Variants in KLF8 observed in about 807,000 individuals in gnomAD.
KLF8 encodes the protein Krueppel-like factor 8.
In KLF8, 10 loss-of-function variants were observed where a neutral mutation model predicts 18.2. The observed-to-expected ratio is 0.55, with a 90% confidence interval of 0.34 to 0.93. KLF8 has a LOEUF of 0.93. KLF8 is among the 40% of genes least tolerant of loss of function. The pLI is 0.02. For missense variants in KLF8, 264 were observed against 277.9 expected, an observed-to-expected ratio of 0.95 and a Z score of 0.36; for synonymous variants, 109 against 97.3, an observed-to-expected ratio of 1.12 and a Z score of -0.71.
intron 2 of KLF8, among the ~76,000 whole-genome samples, chrX:56,254,280 C>G (rs768770656): frequency 7.1e-5 from 8 of 112,014 alleles, no homozygotes; most frequent in Non-Finnish European, 1.5e-4. Flanking sequence ...ATTCCACTCA[C>G]TTAAACCTGC....
chrX:56,254,559 C>T (rs1379599395), intron 2 of KLF8, among the ~76,000 whole-genome samples: 3 of 111,645 alleles, frequency 2.7e-5, no homozygotes, highest in Non-Finnish European at 3.8e-5. Flanking sequence ...GTCTGGCATC[C>T]AGGAGGAATG....
the KLF8 span, among the ~76,000 whole-genome samples, chrX:56,009,038 C>T: frequency 9.0e-6 from 1 of 111,120 alleles, no homozygotes; most frequent in Non-Finnish European, 1.9e-5. Flanking sequence ...CTAGGCAGTA[C>T]GGAGAAGCAA....
the KLF8 span, among the ~76,000 whole-genome samples, chrX:56,147,176 C>G: frequency 1.8e-5 from 2 of 112,233 alleles, no homozygotes; most frequent in Non-Finnish European, 3.8e-5. Flanking sequence ...AGAGGAGAAA[C>G]AGACTTTCAT....
At chrX:56,102,812 T>G in the KLF8 span, among the ~76,000 whole-genome samples, 1 of 110,846 alleles carries the variant, frequency 9.0e-6, no homozygotes, top group Admixed American at 9.6e-5. Flanking sequence ...GCAGGCTTGT[T>G]GCATATGTAT....
At chrX:56,026,541 C>A in the KLF8 span, among the ~76,000 whole-genome samples, 3 of 111,905 alleles carry the variant, frequency 2.7e-5, no homozygotes, top group Non-Finnish European at 5.6e-5. Flanking sequence ...CCATTTTAAT[C>A]CTGTCTCTTG....
the KLF8 span, among the ~76,000 whole-genome samples, chrX:56,206,942 C>T: frequency 2.7e-5 from 3 of 112,592 alleles, no homozygotes; most frequent in Non-Finnish European, 5.6e-5. Flanking sequence ...TCCCAAATGT[C>T]AGTTCTTGAT....
chrX:55,941,402 A>C, the KLF8 span, among the ~76,000 whole-genome samples: 1 of 111,950 alleles, frequency 8.9e-6, no homozygotes, highest in Admixed American at 9.5e-5. Context: ...TGTTAGACCT[A>C]AAACCATAAA....
chrX:55,972,937 G>A, the KLF8 span, among the ~76,000 whole-genome samples: 1 of 112,014 alleles, frequency 8.9e-6, no homozygotes, highest in African/African-American at 3.2e-5. Flanking sequence ...AGCAAAGCCA[G>A]AGGCATCACA....
the KLF8 span, among the ~76,000 whole-genome samples, chrX:56,016,412 A>G: frequency 8.0e-5 from 9 of 111,984 alleles, no homozygotes; most frequent in African/African-American, 2.9e-4. Flanking sequence ...TTTAAATGTA[A>G]TAACTCCTGG....
At chrX:56,101,563 A>G in the KLF8 span, among the ~76,000 whole-genome samples, 3,102 of 112,026 alleles carry the variant, frequency 0.028, 122 homozygotes, top group African/African-American at 0.095. Context: ...CAGTGGCTAA[A>G]CTAATTTACA....
At chrX:56,046,096 G>T in the KLF8 span, among the ~76,000 whole-genome samples, 1 of 111,332 alleles carries the variant, frequency 9.0e-6, no homozygotes, top group Non-Finnish European at 1.9e-5. Context: ...TGCATCTTTT[G>T]AGATGATTGT....
chrX:56,167,794 T>A, the KLF8 span, among the ~76,000 whole-genome samples: 1 of 112,592 alleles, frequency 8.9e-6, no homozygotes, highest in African/African-American at 3.2e-5. Context: ...TCAGGCAATC[T>A]TTTTGTAGAA....
At chrX:56,039,966 C>T in the KLF8 span, among the ~76,000 whole-genome samples, 1 of 111,168 alleles carries the variant, frequency 9.0e-6, no homozygotes, top group African/African-American at 3.3e-5. Context: ...TATTCCTAGG[C>T]ATTTTATTAT....
At chrX:56,081,813 C>A in the KLF8 span, among the ~76,000 whole-genome samples, 1 of 111,834 alleles carries the variant, frequency 8.9e-6, no homozygotes, top group African/African-American at 3.2e-5. Flanking sequence ...AGTCTCACTT[C>A]TTTGTTGTTG....
the KLF8 span, among the ~76,000 whole-genome samples, chrX:56,115,949 T>C: frequency 1.8e-5 from 2 of 112,718 alleles, no homozygotes; most frequent in Non-Finnish European, 3.7e-5. Context: ...CTGTTCCATG[T>C]GAAAGCTATT....
chrX:56,208,314 A>G, the KLF8 span, among the ~76,000 whole-genome samples: 1 of 111,929 alleles, frequency 8.9e-6, no homozygotes, highest in Non-Finnish European at 1.9e-5. Flanking sequence ...TTTCTGCAGT[A>G]TCAGTTCTAA....
upstream of KLF8, among the ~76,000 whole-genome samples, chrX:56,228,772 AG>A (rs1436977249): frequency 8.9e-6 from 1 of 112,038 alleles, no homozygotes; most frequent in Non-Finnish European, 1.9e-5. Flanking sequence ...AGCTCGCAGA[AG>A]GAATATGCTC....
chrX:56,138,703 C>T, the KLF8 span, among the ~76,000 whole-genome samples: 1 of 111,299 alleles, frequency 9.0e-6, no homozygotes, highest in East Asian at 2.8e-4. Context: ...GACCCACAGC[C>T]AACATCATAC....
At chrX:56,017,600 T>C in the KLF8 span, among the ~76,000 whole-genome samples, 1 of 111,964 alleles carries the variant, frequency 8.9e-6, no homozygotes, top group East Asian at 2.8e-4. Flanking sequence ...CTGGATGTAG[T>C]GATAATGGTA....
Sources: allele counts gnomAD v4.1 joint callset (sites outside exome capture counted in the v4.1 genomes callset), GRCh38; gene constraint gnomAD v4.1.1; transcripts MANE v1.5; gene names NCBI Gene and HGNC (gene_info 2026-07-23, HGNC 2026-07-21).